PIKFYVE: variants seen among roughly 807,000 people sequenced by gnomAD.
PIKFYVE encodes 1-phosphatidylinositol 3-phosphate 5-kinase.
PIKFYVE carries 122 observed loss-of-function variants against 257.9 expected under a neutral mutation model. The ratio of observed to expected loss-of-function variants is 0.47; its 90% confidence interval spans 0.41 to 0.55. The LOEUF is 0.55. Ranked by LOEUF, PIKFYVE falls within the 20% of genes least tolerant of loss-of-function variation. The pLI is 0.00. For synonymous variants in PIKFYVE, 892 were observed against 868.9 expected (o/e 1.03, Z -0.47); for missense variants, 2,160 against 2,536.6 (o/e 0.85, Z 3.19).
chr2:208,333,623 A>G, intron 24 of PIKFYVE, 130 bp downstream of exon 24: 1 of 962,378 alleles, frequency 1.0e-6, no homozygotes, highest in Non-Finnish European at 1.6e-6. Context: ...ATAAATGCAG[A>G]GGACCAGACT....
Position 208,322,600 on chromosome 2 carries a change from C to G in PIKFYVE, c.2191-1542C>G, listed in dbSNP as rs138829727. The stretch of plus-strand genomic sequence containing the variant: ...CAAGTTTAGAATGATGAATGAGATT[C>G]TTACTGTGTTTGCATTAATTTGCTT... On this transcript the variant is annotated intron_variant, in intron 17 of 41. Coordinates refer to ENST00000264380, the MANE Select transcript of PIKFYVE (RefSeq NM_015040.4). Among the ~76,000 whole-genome samples the G allele has an allele frequency of 4.6e-5, 7 of 151,468 alleles. 1 individual carries two copies. The East Asian group carries it at 1.4e-3, about 29-fold the overall frequency.
chr2:208,315,485 G>A, intron 15 of PIKFYVE, 112 bp downstream of exon 15: 2 of 1,257,634 alleles, frequency 1.6e-6, no homozygotes, highest in South Asian at 1.3e-5. Flanking sequence ...GGTGCTAGGT[G>A]AGGAGTAGGA....
At chr2:208,281,328 G>A (rs1690778278) in intron 5 of PIKFYVE, among the ~76,000 whole-genome samples, 1 of 152,144 alleles carries the variant, frequency 6.6e-6, no homozygotes, top group Non-Finnish European at 1.5e-5. Context: ...AACCCCTTGA[G>A]CTGCAACAAT....
intron 24 of PIKFYVE, among the ~76,000 whole-genome samples, chr2:208,334,908 A>T (rs1195129446): frequency 1.3e-5 from 2 of 152,118 alleles, no homozygotes; most frequent in Non-Finnish European, 2.9e-5. Flanking sequence ...TTATTAGTCG[A>T]TATAAACCCT....
chr2:208,339,387 A>G, intron 29 of PIKFYVE, 31 bp from the exon 30 acceptor site: 1 of 1,611,666 alleles, frequency 6.2e-7, no homozygotes, highest in South Asian at 1.1e-5. Flanking sequence ...ATGTATGTAA[A>G]TGACTCATTT....
chr2:208,279,958 A>G (rs139548988), intron 5 of PIKFYVE, among the ~76,000 whole-genome samples: 74 of 152,344 alleles, frequency 4.9e-4, no homozygotes, highest in African/African-American at 1.7e-3. Flanking sequence ...TCAAATTGTA[A>G]TCTAAGGCTA....
chr2:208,316,824 C>T (rs543841299), intron 15 of PIKFYVE, among the ~76,000 whole-genome samples: 20 of 152,164 alleles, frequency 1.3e-4, no homozygotes, highest in African/African-American at 3.1e-4. Flanking sequence ...TCAGAAATAA[C>T]ACTGCATATC....
intron 15 of PIKFYVE, among the ~76,000 whole-genome samples, chr2:208,316,931 T>C (rs1258920148): frequency 1.3e-5 from 2 of 152,230 alleles, no homozygotes; most frequent in African/African-American, 4.8e-5. Context: ...CCTAACCATA[T>C]GTAGAAAGCT....
chr2:208,336,124 C>T lies in PIKFYVE; in HGVS notation c.4444C>T (p.Gln1482Ter). 1 of 1,614,012 alleles carries T rather than the reference C, an allele frequency of 6.2e-7. No individual in the cohort carries two copies. The highest frequency in any genetic ancestry group is 1.3e-5 in the African/African-American group (1 of 75,026). ...LMSSSVDTPQ[Q>*]LQSVFESLIA... ...GTCTTCCTCTGTAGATACCCCTCAG[C>T]AACTGCAGTCGGTCTTTGAGTCACT... The change falls in exon 27 of 42, where the codon CAA (glutamine) becomes TAA (stop). Residue 1482 changes from glutamine to a stop codon, truncating the protein, a stop_gained. Coordinates refer to ENST00000264380, the MANE Select transcript of PIKFYVE (RefSeq NM_015040.4). LOFTEE classifies it high-confidence loss of function.
Position 208,350,085 on chromosome 2 carries a change from T to C in PIKFYVE, c.5434+2T>C, listed in dbSNP as rs1244718886. 8 of 1,612,654 alleles carry C rather than the reference T, an allele frequency of 5.0e-6. No individual in the cohort carries two copies. The highest frequency in any genetic ancestry group is 6.8e-6 in the Non-Finnish European group (8 of 1,179,082). On this transcript the variant is annotated splice_donor_variant, in intron 36 of 41. Coordinates refer to ENST00000264380, the MANE Select transcript of PIKFYVE (RefSeq NM_015040.4). LOFTEE classifies it high-confidence loss of function. ...TCATAAATCCTCATGTGGAACTTCG[T>C]AAGTATGAGATATTATATCATTGGT...
Position 208,298,687 on chromosome 2 carries a change from A to C in PIKFYVE, c.958A>C (p.Met320Leu). The C allele has an allele frequency of 6.2e-7, 1 of 1,614,044 alleles. No homozygotes were observed. Among genetic ancestry groups the C allele is most frequent in the Non-Finnish European group, 8.5e-7 (1 of 1,179,918 alleles). The change falls in exon 8 of 42, where the codon ATG becomes CTG. Residue 320 changes from methionine to leucine, a missense_variant. Around this residue, in one of 12 missense-constraint regions of PIKFYVE, gnomAD observed 187 missense variants for 185.6 expected, o/e 1.01. Transcript: ENST00000264380. ...NLSLDRSGSP[M>L]VPSYETSVSP... ...GTCACTGGATAGATCTGGTTCTCCT[A>C]TGGTACCTTCATATGAGACATCTGT... is the stretch of plus-strand genomic sequence containing the variant.
chr2:208,343,033 G>A (rs1698868310), intron 32 of PIKFYVE, among the ~76,000 whole-genome samples: 1 of 152,072 alleles, frequency 6.6e-6, no homozygotes, highest in Non-Finnish European at 1.5e-5. Flanking sequence ...GACCTCAGGT[G>A]ATCCACCCAC....
At chr2:208,347,721 C>T in intron 34 of PIKFYVE, 138 bp from the exon 35 acceptor site, 1 of 769,834 alleles carries the variant, frequency 1.3e-6, no homozygotes, top group East Asian at 2.7e-5. Context: ...GGACAATGTG[C>T]AAACAAAAGT....
chr2:208,325,984 C>T lies in PIKFYVE; in HGVS notation c.3173C>T (p.Pro1058Leu). ...ELKDVILCISPVITFREPFLL... is the reference protein window; with the variant it reads ...ELKDVILCISLVITFREPFLL... The stretch of plus-strand genomic sequence containing the variant: ...AAAGATGTGATCCTCTGTATCTCCC[C>T]AGTAATCACATTCCGAGAACCCTTT... The change falls in exon 20 of 42, where the codon CCA becomes CTA. Residue 1058 changes from proline (P) to leucine (L), a missense_variant. Coordinates refer to ENST00000264380, the MANE Select transcript of PIKFYVE (RefSeq NM_015040.4). The T allele has an allele frequency of 1.2e-6, 2 of 1,614,012 alleles. No individual in the cohort carries two copies. The highest frequency in any genetic ancestry group is 1.7e-6 in the Non-Finnish European group (2 of 1,179,876).
chr2:208,347,756 C>CATTACTCAGATGAT, intron 34 of PIKFYVE, 103 bp from the exon 35 acceptor site: 1 of 967,578 alleles, frequency 1.0e-6, no homozygotes. Flanking sequence ...GATTGATTAG[C>CATTACTCAGATGAT]TTCATATAGT....
Position 208,338,521 on chromosome 2 carries a change from A to G in PIKFYVE, c.4625A>G (p.Asp1542Gly), listed in dbSNP as rs1022579935. The change falls in exon 29 of 42, where the codon GAT becomes GGT. Residue 1542 changes from aspartate to glycine, a missense_variant. Physicochemically the swap from Asp to Gly is moderately conservative, Grantham distance 94 (BLOSUM62 -1). Around this residue, in one of 12 missense-constraint regions of PIKFYVE, gnomAD observed 699 missense variants for 855.8 expected, o/e 0.82. Transcript: ENST00000264380. ...QGEESKISAM[D>G]ASPRNISPGL... Reference sequence around the variant, plus strand: ...ACTTCTCTACAGATAAGTGCGATGGATGCATCTCCACGGAATATTTCTCCA... The same window carrying G: ...ACTTCTCTACAGATAAGTGCGATGGGTGCATCTCCACGGAATATTTCTCCA... The G allele has an allele frequency of 2.5e-6, 4 of 1,613,268 alleles. No individual in the cohort carries two copies. Among genetic ancestry groups the G allele is most frequent in the East Asian group, 2.2e-5 (1 of 44,814 alleles).
At chr2:208,300,623 G>A (rs1693563548) in intron 8 of PIKFYVE, among the ~76,000 whole-genome samples, 1 of 152,140 alleles carries the variant, frequency 6.6e-6, no homozygotes, top group African/African-American at 2.4e-5. Flanking sequence ...GTGATTAACT[G>A]TTGTCTCCCT....
At chr2:208,339,343 A>G (rs1698478392) in intron 29 of PIKFYVE, 75 bp from the exon 30 acceptor site, 1 of 1,536,534 alleles carries the variant, frequency 6.5e-7, no homozygotes. Context: ...CATATGAATG[A>G]GCATTTAAAA....
rs763047253 is a variant in PIKFYVE at position 208,304,186 on chromosome 2, G to A, written c.1336G>A (p.Glu446Lys). 2 of 1,613,996 alleles carry A rather than the reference G, an allele frequency of 1.2e-6. No individual in the cohort carries two copies. Among genetic ancestry groups the A allele is most frequent in the African/African-American group, 2.7e-5 (2 of 74,914 alleles). Residue 446 changes from glutamate (E) to lysine (K), a missense_variant, in exon 11 of 42, where the codon GAG (glutamate) becomes AAG (lysine). By Grantham distance (56) the Glu-to-Lys change is moderately conservative. This residue lies in a region of PIKFYVE where 90 missense variants were observed against 110.6 expected (regional missense o/e 0.81). Transcript: ENST00000264380. ...ATCCTTTCAGAGTACAGAATTTTCT[G>A]AGACGCCTTCTCCCGACAGTGACTC... ...YRPLQSTEFS[E>K]TPSPDSDSVN...
Sources: gnomAD v4.1 joint callset for allele counts (sites outside exome capture counted in the v4.1 genomes callset) on GRCh38, gnomAD v4.1.1 for gene constraint, gnomAD v4.1.1 regional missense constraint, MANE v1.5 for transcripts, NCBI Gene and HGNC (gene_info 2026-07-23, HGNC 2026-07-21) for gene names.